TUT4: variants seen among roughly 807,000 people sequenced by gnomAD.
The protein encoded by TUT4 is terminal uridylyltransferase 4.
Under a neutral mutation model 192.2 loss-of-function variants are expected in TUT4, and 36 were observed. That is an observed-to-expected ratio of 0.19 (90% confidence interval 0.14 to 0.25). The LOEUF (loss-of-function observed/expected upper bound fraction) is 0.25. Among genes scored for constraint, TUT4 ranks in the 10% least tolerant of loss-of-function variants. TUT4 has a pLI of 1.00. For synonymous variants in TUT4, 618 were observed against 666.0 expected (o/e 0.93, Z 1.11); for missense variants, 1,493 against 1,957.2 (o/e 0.76, Z 4.47).
chr1:52,539,048 C>T (rs986629549), intron 1 of TUT4, among the ~76,000 whole-genome samples: 7 of 151,808 alleles, frequency 4.6e-5, no homozygotes, highest in African/African-American at 1.7e-4. Context: ...ATCACTATTT[C>T]AATAGGGTAA....
At chr1:52,534,640 T>C (rs1183041099) in intron 1 of TUT4, among the ~76,000 whole-genome samples, 1 of 151,046 alleles carries the variant, frequency 6.6e-6, no homozygotes, top group African/African-American at 2.4e-5. Context: ...ATCATTTGAG[T>C]TCAGAAGTTC....
At position 52,446,617 on chromosome 1, in the gene TUT4, A is replaced by G; in HGVS notation, c.3486T>C (p.Ala1162=). The change falls in exon 21 of 30, where the codon GCT becomes GCC. Residue 1162 remains alanine (A), a synonymous_variant. Coordinates refer to ENST00000257177, the MANE Select transcript of TUT4 (RefSeq NM_001009881.3). ...GTTCTTCTGTTTTATCAAAGAAGAA[A>G]GCATTCCATCCATCAACCATTCTCT... ...IPQRMVDGWN[A]FFFDKTEELK... 6.2e-7 allele frequency: 1 copy of G among 1,607,518 alleles called. No homozygotes were observed. The highest frequency in any genetic ancestry group is 2.2e-5 in the East Asian group (1 of 44,748).
At chr1:52,538,754 A>G (rs1228575593) in intron 1 of TUT4, 1 of 152,156 alleles carries the variant, frequency 6.6e-6, no homozygotes, top group African/African-American at 2.4e-5. Context: ...TACTAATATT[A>G]CTTCCCTGAA....
At chr1:52,446,224 A>G (rs1378863586) in intron 22 of TUT4, 41 bp downstream of exon 22, 2 of 1,569,142 alleles carry the variant, frequency 1.3e-6, no homozygotes, top group African/African-American at 2.7e-5. Flanking sequence ...TCGTTGACCA[A>G]ATTTTGGTTG....
chr1:52,477,492 A>G (rs555306952), intron 12 of TUT4, among the ~76,000 whole-genome samples: 1 of 152,260 alleles, frequency 6.6e-6, no homozygotes, highest in South Asian at 2.1e-4. Context: ...CCTTGAACCC[A>G]TGAGTTTGAG....
chr1:52,495,740 GCTTA>G (rs1339329984), intron 5 of TUT4, among the ~76,000 whole-genome samples: 1 of 152,100 alleles, frequency 6.6e-6, no homozygotes, highest in Non-Finnish European at 1.5e-5. Flanking sequence ...ACTCACAGAA[GCTTA>G]CTGTTTAAAC....
At chr1:52,524,645 A>G (rs1681221830) in intron 2 of TUT4, among the ~76,000 whole-genome samples, 1 of 152,152 alleles carries the variant, frequency 6.6e-6, no homozygotes. Flanking sequence ...GTCTCTACTA[A>G]AAATAAAAAA....
rs1190349753 is a variant in TUT4, at chr1:52,545,834, A to G, written c.-94+7097T>C. Among the ~76,000 whole-genome samples the G allele has an allele frequency of 2.0e-5, 3 of 151,974 alleles. No homozygotes were observed. The South Asian group carries it at 6.2e-4, about 32-fold the overall frequency. Reference sequence around the variant, plus strand: ...TGCTAAGGTGTCAAAAATAATAATAATAATAGGCCAGGCGCGATGGCTCAT... The same window carrying G: ...TGCTAAGGTGTCAAAAATAATAATAGTAATAGGCCAGGCGCGATGGCTCAT... On this transcript the variant is annotated intron_variant, in intron 1 of 29. Transcript: ENST00000257177.
In TUT4 at chr1:52,521,335, T is replaced by G. The variant is rs574783636; in HGVS notation, c.718+4228A>C. Among the ~76,000 whole-genome samples, 4 of 152,148 alleles carry G rather than the reference T, an allele frequency of 2.6e-5. No homozygotes were observed. In the East Asian group the frequency reaches 5.8e-4, roughly 22 times the overall value. ...TTAGGCCTAATGGAGAAGACTGAGA[T>G]CAATCAAATTTCTATATAACCTATC... is the stretch of plus-strand genomic sequence containing the variant. On this transcript the variant is annotated intron_variant, in intron 2 of 29. Transcript: ENST00000257177.
In TUT4 at chr1:52,465,208, A is replaced by G. The variant is rs761673950; in HGVS notation, c.2966-35T>C. The G allele has an allele frequency of 5.9e-6, 9 of 1,526,710 alleles. No homozygotes were observed. In the Admixed American group the frequency reaches 1.1e-4, roughly 18 times the overall value. The allele number at this position is 1,526,710 out of a possible 1,614,324, so 94.6% of individuals were successfully genotyped here. The stretch of plus-strand genomic sequence containing the variant: ...GGAAAACAAAGTCCAAGGCCTTATT[A>G]TAAGCAGAGAGGAGGAGTCTTCTGC... On this transcript the variant is annotated intron_variant, in intron 15 of 29. Transcript: ENST00000257177.
At chr1:52,438,470 A>C in intron 24 of TUT4, 135 bp from the exon 25 acceptor site, 1 of 612,026 alleles carries the variant, frequency 1.6e-6, no homozygotes. Context: ...CTGTAAGAAA[A>C]CCCAAGATAT....
chr1:52,449,088 C>T (rs766750312), intron 20 of TUT4, among the ~76,000 whole-genome samples: 9 of 152,218 alleles, frequency 5.9e-5, no homozygotes, highest in Non-Finnish European at 1.3e-4. Context: ...CACACAGACA[C>T]ACACACACAC....
intron 20 of TUT4, among the ~76,000 whole-genome samples, chr1:52,452,726 T>C (rs1011562913): frequency 6.6e-6 from 1 of 152,246 alleles, no homozygotes; most frequent in African/African-American, 2.4e-5. Flanking sequence ...TCTTCATTTA[T>C]ATCCTTTGTA....
At chr1:52,449,205 C>T (rs1359361626) in intron 20 of TUT4, among the ~76,000 whole-genome samples, 1 of 152,132 alleles carries the variant, frequency 6.6e-6, no homozygotes, top group African/African-American at 2.4e-5. Context: ...ATAAGGATCA[C>T]CAAATAAGTC....
chr1:52,551,395 A>G (rs933731369), intron 1 of TUT4, among the ~76,000 whole-genome samples: 2 of 152,168 alleles, frequency 1.3e-5, no homozygotes, highest in African/African-American at 4.8e-5. Context: ...AATTTATCTA[A>G]GAGTTTTAAA....
At position 52,553,089 on chromosome 1, in the gene TUT4, A is replaced by C. The variant is rs1484617215; in HGVS notation, c.-252T>G. On this transcript the variant is annotated 5_prime_UTR_variant, in exon 1 of 30. Coordinates refer to ENST00000257177, the MANE Select transcript of TUT4 (RefSeq NM_001009881.3). ...CCACCGCCATGTCCGCCGCGCCGCG[A>C]ACTGCATTGTGGGGGGGAAGGGATG... 1 of 153,110 alleles carries C rather than the reference A, an allele frequency of 6.5e-6. No homozygotes were observed. Among genetic ancestry groups the C allele is most frequent in the Non-Finnish European group, 1.5e-5 (1 of 68,702 alleles). The allele number at this position is 153,110 out of a possible 1,614,324, so 9.5% of individuals were successfully genotyped here. A position where few individuals can be genotyped will look rare whatever the true frequency, so the allele number is the denominator to read the frequency against.
At chr1:52,540,176 G>T (rs1291787834) in intron 1 of TUT4, among the ~76,000 whole-genome samples, 1 of 149,620 alleles carries the variant, frequency 6.7e-6, no homozygotes, top group Non-Finnish European at 1.5e-5. Context: ...CCAAGATCAT[G>T]CCACTGCACT....
At chr1:52,446,928 A>C (rs1657680849) in intron 20 of TUT4, among the ~76,000 whole-genome samples, 1 of 152,230 alleles carries the variant, frequency 6.6e-6, no homozygotes, top group African/African-American at 2.4e-5. Flanking sequence ...TGACCTATCA[A>C]AACATATCCA....
intron 1 of TUT4, chr1:52,534,880 A>G (rs1405199528): frequency 6.6e-6 from 1 of 152,162 alleles, no homozygotes; most frequent in Non-Finnish European, 1.5e-5. Flanking sequence ...ATAAAATAAA[A>G]TTCTAGGTTA....
Sources: gnomAD v4.1 joint callset for allele counts (sites outside exome capture counted in the v4.1 genomes callset) on GRCh38, gnomAD v4.1.1 for gene constraint, MANE v1.5 for transcripts, NCBI Gene and HGNC (gene_info 2026-07-23, HGNC 2026-07-21) for gene names.